The following MAGI1 variants were observed in gnomAD, a reference collection of about 807,000 sequenced individuals.
MAGI1 encodes membrane associated guanylate kinase, WW and PDZ domain containing 1.
In MAGI1, 58 loss-of-function variants were observed where a neutral mutation model predicts 139.9. The observed-to-expected ratio is 0.41, with a 90% CI of 0.34 to 0.52. MAGI1 has a LOEUF of 0.52. Among genes scored for constraint, MAGI1 ranks in the 20% least tolerant of loss-of-function variants. The pLI, the probability that MAGI1 is intolerant of heterozygous loss-of-function variation, is 0.12. For synonymous variants in MAGI1, 812 were observed against 737.9 expected, an observed-to-expected ratio of 1.10 and a Z score of -1.63; for missense variants, 1,874 against 1,901.6, an observed-to-expected ratio of 0.99 and a Z score of 0.27.
chr3:65,493,448 T>G, intron 3 of MAGI1, 64 bp downstream of exon 3: 1 of 1,596,592 alleles, frequency 6.3e-7, no homozygotes, highest in Non-Finnish European at 8.5e-7. Context: ...TTTGCCTGGA[T>G]GGCTCTGGCT....
intron 18 of MAGI1, among the ~76,000 whole-genome samples, chr3:65,372,753 C>T (rs1942125964): frequency 6.6e-6 from 1 of 152,220 alleles, no homozygotes; most frequent in Non-Finnish European, 1.5e-5. Context: ...GCACTTGCTG[C>T]TTCCCCTTAT....
chr3:65,696,160 T>C (rs955382330), intron 1 of MAGI1, among the ~76,000 whole-genome samples: 1 of 152,146 alleles, frequency 6.6e-6, no homozygotes. Context: ...AGCATTTTCC[T>C]CCATCAGAAA....
chr3:65,912,505 C>A (rs1424358162), intron 1 of MAGI1, among the ~76,000 whole-genome samples: 1 of 152,176 alleles, frequency 6.6e-6, no homozygotes, highest in Non-Finnish European at 1.5e-5. Flanking sequence ...TAAACAAGTA[C>A]ATGTTTAAAC....
At chr3:65,549,842 G>A (rs2079736249) in intron 2 of MAGI1, among the ~76,000 whole-genome samples, 2 of 151,962 alleles carry the variant, frequency 1.3e-5, no homozygotes, top group African/African-American at 4.8e-5. Flanking sequence ...GGTCAAACAC[G>A]GGAGTGTGGG....
At chr3:65,854,399 G>A (rs184000412) in intron 1 of MAGI1, among the ~76,000 whole-genome samples, 8 of 152,258 alleles carry the variant, frequency 5.3e-5, no homozygotes, top group Non-Finnish European at 5.9e-5. Flanking sequence ...ATGTGACAGT[G>A]CTTTGTACAT....
chr3:65,687,936 A>G (rs1335330342), intron 1 of MAGI1: 1 of 700,610 alleles, frequency 1.4e-6, no homozygotes, highest in South Asian at 1.3e-5. Context: ...CCGCTGGTTC[A>G]AGGAAAATGG....
At chr3:65,790,068 A>T (rs2039657712) in intron 1 of MAGI1, among the ~76,000 whole-genome samples, 1 of 152,240 alleles carries the variant, frequency 6.6e-6, no homozygotes, top group African/African-American at 2.4e-5. Flanking sequence ...AAAGATGTCT[A>T]ACAGAAAGAT....
At chr3:65,769,152 A>C (rs1242283151) in intron 1 of MAGI1, among the ~76,000 whole-genome samples, 3 of 152,256 alleles carry the variant, frequency 2.0e-5, no homozygotes, top group Non-Finnish European at 4.4e-5. Flanking sequence ...ATTCTTTAAA[A>C]GTTGTCGATC....
At chr3:65,491,213 T>C (rs1292247153) in intron 3 of MAGI1, among the ~76,000 whole-genome samples, 1 of 152,086 alleles carries the variant, frequency 6.6e-6, no homozygotes, top group East Asian at 1.9e-4. Flanking sequence ...GTTCCTTCTC[T>C]AGCATTCTAG....
At chr3:65,657,906 G>T (rs1209712156) in intron 1 of MAGI1, among the ~76,000 whole-genome samples, 1 of 152,166 alleles carries the variant, frequency 6.6e-6, no homozygotes, top group Non-Finnish European at 1.5e-5. Flanking sequence ...TTTCTCATCT[G>T]TCAAACTAGC....
intron 1 of MAGI1, among the ~76,000 whole-genome samples, chr3:65,789,720 A>G (rs1251253033): frequency 1.3e-5 from 2 of 152,168 alleles, no homozygotes; most frequent in Non-Finnish European, 2.9e-5. Flanking sequence ...CCACGGCCCT[A>G]TGGCTGCAAT....
At chr3:65,990,716 G>T (rs1193981262) in intron 1 of MAGI1, among the ~76,000 whole-genome samples, 1 of 152,176 alleles carries the variant, frequency 6.6e-6, no homozygotes, top group Non-Finnish European at 1.5e-5. Flanking sequence ...ATAGGCCATT[G>T]TGCAGAAGAA....
chr3:65,780,200 T>C (rs2038816964), intron 1 of MAGI1, among the ~76,000 whole-genome samples: 1 of 152,116 alleles, frequency 6.6e-6, no homozygotes, highest in Non-Finnish European at 1.5e-5. Context: ...ATTTTTGTAC[T>C]TTTTGTAGTG....
chr3:65,702,086 G>A (rs1337075017), intron 1 of MAGI1, among the ~76,000 whole-genome samples: 2 of 151,998 alleles, frequency 1.3e-5, no homozygotes, highest in African/African-American at 2.4e-5. Flanking sequence ...TTGCTATACT[G>A]AAGATGACAA....
At chr3:65,912,226 ACT>A (rs1157302849) in intron 1 of MAGI1, among the ~76,000 whole-genome samples, 1 of 137,184 alleles carries the variant, frequency 7.3e-6, no homozygotes, top group Non-Finnish European at 1.5e-5. Flanking sequence ...AACAAAGAAA[ACT>A]CTGATCTCAA....
chr3:65,398,414 T>A (rs995442230), intron 13 of MAGI1, among the ~76,000 whole-genome samples: 5 of 152,076 alleles, frequency 3.3e-5, no homozygotes, highest in Admixed American at 6.5e-5. Flanking sequence ...GGCAAGAGAT[T>A]GCTTGGGCCC....
intron 2 of MAGI1, among the ~76,000 whole-genome samples, chr3:65,507,024 A>G (rs2077317289): frequency 6.6e-6 from 1 of 152,210 alleles, no homozygotes; most frequent in Admixed American, 6.5e-5. Context: ...AAGTATACAT[A>G]TGGCTACATC....
intron 1 of MAGI1, among the ~76,000 whole-genome samples, chr3:65,729,055 T>C (rs956427956): frequency 2.8e-5 from 4 of 145,216 alleles, no homozygotes; most frequent in Non-Finnish European, 4.5e-5. Context: ...GGTCTGAATC[T>C]GTGTTCTGCA....
At chr3:65,690,348 T>G (rs574916599) in intron 1 of MAGI1, among the ~76,000 whole-genome samples, 12 of 152,342 alleles carry the variant, frequency 7.9e-5, no homozygotes, top group African/African-American at 2.9e-4. Flanking sequence ...ACACTGTTAT[T>G]GCTGTAGACA....
Sources: gnomAD v4.1 joint callset for allele counts (sites outside exome capture counted in the v4.1 genomes callset) on GRCh38, gnomAD v4.1.1 for gene constraint, MANE v1.5 for transcripts, NCBI Gene and HGNC (gene_info 2026-07-23, HGNC 2026-07-21) for gene names.